LANCL3: variants seen among roughly 807,000 people sequenced by gnomAD.
LANCL3 encodes LanC like family member 3.
In LANCL3, 19 loss-of-function variants were observed where a neutral mutation model predicts 26.5. That is an observed-to-expected ratio of 0.72 (90% CI 0.50 to 1.05). LANCL3 has a LOEUF of 1.05. Ranked by LOEUF, LANCL3 falls within the 50% of genes least tolerant of loss-of-function variation. The probability of loss-of-function intolerance (pLI) is 0.00; values close to 1 mark genes in which losing one functional copy is unlikely to be tolerated. For synonymous variants in LANCL3, 160 were observed against 166.6 expected, an observed-to-expected ratio of 0.96 and a Z score of 0.30; for missense variants, 318 against 362.7, an observed-to-expected ratio of 0.88 and a Z score of 1.00.
chrX:37,623,848 T>A (rs1925237614), intron 1 of LANCL3, among the ~76,000 whole-genome samples: 1 of 112,245 alleles, frequency 8.9e-6, no homozygotes, highest in Non-Finnish European at 1.9e-5. Flanking sequence ...TCCATGAGCA[T>A]GCATATGTGA....
intron 4 of LANCL3, among the ~76,000 whole-genome samples, chrX:37,671,118 T>G (rs1302764405): frequency 9.0e-6 from 1 of 111,619 alleles, no homozygotes; most frequent in Non-Finnish European, 1.9e-5. Context: ...TATAGCTGCC[T>G]TAATGAACTC....
intron 1 of LANCL3, among the ~76,000 whole-genome samples, chrX:37,580,801 A>C (rs1254376281): frequency 9.0e-6 from 1 of 110,905 alleles, no homozygotes; most frequent in East Asian, 2.8e-4. Context: ...ATGTCACATA[A>C]TACTACCAAC....
At chrX:37,647,742 A>G (rs781937656) in intron 1 of LANCL3, among the ~76,000 whole-genome samples, 2 of 112,360 alleles carry the variant, frequency 1.8e-5, no homozygotes, top group Non-Finnish European at 3.8e-5. Flanking sequence ...GTTGTTTCAG[A>G]TTCTGTAAGG....
chrX:37,647,331 AAAAC>A (rs1556427358), intron 1 of LANCL3, among the ~76,000 whole-genome samples: 1 of 107,998 alleles, frequency 9.3e-6, no homozygotes, highest in Non-Finnish European at 1.9e-5. Context: ...AAAAAACAAA[AAAAC>A]AAAACAAAAC....
chrX:37,641,337 T>G (rs1280220764), intron 1 of LANCL3, among the ~76,000 whole-genome samples: 10 of 110,024 alleles, frequency 9.1e-5, no homozygotes, highest in Non-Finnish European at 1.1e-4. Context: ...ATTTTGCAGA[T>G]GAATACAGTG....
intron 1 of LANCL3, among the ~76,000 whole-genome samples, chrX:37,609,696 A>AG (rs1924813986): frequency 9.0e-6 from 1 of 111,104 alleles, no homozygotes; most frequent in African/African-American, 3.3e-5. Flanking sequence ...TGGGATAAAA[A>AG]AAAACCCCTA....
chrX:37,591,220 C>A (rs1485704254), intron 1 of LANCL3, among the ~76,000 whole-genome samples: 1 of 111,609 alleles, frequency 9.0e-6, no homozygotes, highest in East Asian at 2.8e-4. Context: ...TTCTTAATTT[C>A]TATAGATTTA....
intron 1 of LANCL3, among the ~76,000 whole-genome samples, chrX:37,638,586 A>G (rs1925772494): frequency 8.9e-6 from 1 of 111,886 alleles, no homozygotes; most frequent in African/African-American, 3.3e-5. Flanking sequence ...CTACCATATA[A>G]CAGATATGCT....
intron 3 of LANCL3, among the ~76,000 whole-genome samples, chrX:37,664,482 T>C (rs1255949549): frequency 3.6e-5 from 4 of 112,305 alleles, no homozygotes; most frequent in Non-Finnish European, 5.6e-5. Flanking sequence ...TTTCTATTTT[T>C]TTAGAGAAGC....
chrX:37,597,412 G>A (rs1924460195), intron 1 of LANCL3, among the ~76,000 whole-genome samples: 1 of 111,791 alleles, frequency 8.9e-6, no homozygotes, highest in Non-Finnish European at 1.9e-5. Context: ...TGTACATTTA[G>A]CATTTTCAAA....
chrX:37,651,752 T>C lies in LANCL3; in HGVS notation c.574-3936T>C, dbSNP rs781866048. On this transcript the variant is annotated intron_variant, in intron 1 of 4. Transcript: ENST00000378619. Reference sequence around the variant, plus strand: ...ATCTCCTAATGCTATCCCTCCTCCCTCCCCCAACCCCATGACAGGCCCCAG... The same window carrying C: ...ATCTCCTAATGCTATCCCTCCTCCCCCCCCCAACCCCATGACAGGCCCCAG... Among the ~76,000 whole-genome samples, 10 of 108,125 alleles carry C rather than the reference T, an allele frequency of 9.2e-5. No individual in the cohort carries two copies. The South Asian group carries it at 4.2e-3, about 46-fold the overall frequency. 93.9% of individuals were successfully genotyped at this position (108,125 alleles called of 115,157 possible).
intron 1 of LANCL3, among the ~76,000 whole-genome samples, chrX:37,627,229 G>A (rs948082242): frequency 6.3e-5 from 7 of 111,696 alleles, no homozygotes; most frequent in African/African-American, 2.0e-4. Flanking sequence ...TTTCTGGCTC[G>A]GCAGTATGCC....
At chrX:37,645,346 A>G (rs1257262514) in intron 1 of LANCL3, among the ~76,000 whole-genome samples, 2 of 111,971 alleles carry the variant, frequency 1.8e-5, no homozygotes, top group Non-Finnish European at 3.8e-5. Context: ...CCTGCTTCCT[A>G]TTCCTCATAG....
intron 1 of LANCL3, among the ~76,000 whole-genome samples, chrX:37,608,842 G>T (rs1556420809): frequency 8.9e-6 from 1 of 112,000 alleles, no homozygotes; most frequent in Admixed American, 9.5e-5. Context: ...ATGGGTAATT[G>T]AGTTGACAAA....
intron 1 of LANCL3, among the ~76,000 whole-genome samples, chrX:37,590,632 G>C (rs1924244513): frequency 2.7e-5 from 3 of 111,975 alleles, no homozygotes; most frequent in Non-Finnish European, 5.6e-5. Flanking sequence ...CTATAATTAT[G>C]ACTTTCCCCT....
chrX:37,663,629 C>T (rs942112189), intron 3 of LANCL3, among the ~76,000 whole-genome samples: 4 of 111,313 alleles, frequency 3.6e-5, no homozygotes, highest in Non-Finnish European at 5.7e-5. Flanking sequence ...GGTCAGATTA[C>T]GGTCCTAGAA....
At chrX:37,635,187 G>A (rs781940786) in intron 1 of LANCL3, among the ~76,000 whole-genome samples, 7 of 111,634 alleles carry the variant, frequency 6.3e-5, no homozygotes, top group East Asian at 5.6e-4. Context: ...TTTAAGATCC[G>A]TTTCATGAAT....
intron 1 of LANCL3, among the ~76,000 whole-genome samples, chrX:37,581,561 A>G (rs1309696115): frequency 8.9e-6 from 1 of 111,847 alleles, no homozygotes; most frequent in African/African-American, 3.3e-5. Flanking sequence ...CCTATTTTAG[A>G]GTCATTCCAC....
intron 1 of LANCL3, among the ~76,000 whole-genome samples, chrX:37,650,468 CA>C (rs1312710601): frequency 1.5e-4 from 15 of 100,574 alleles, no homozygotes; most frequent in African/African-American, 4.8e-4. Context: ...GATGAAACGA[CA>C]AATGAAAGGT....
Sources: gnomAD v4.1 joint callset for allele counts (sites outside exome capture counted in the v4.1 genomes callset) on GRCh38, gnomAD v4.1.1 for gene constraint, MANE v1.5 for transcripts, NCBI Gene and HGNC (gene_info 2026-07-23, HGNC 2026-07-21) for gene names.